Variants in MAP2 observed in about 807,000 individuals in gnomAD.
MAP2 encodes microtubule-associated protein 2.
In MAP2, 14 loss-of-function variants were observed where a neutral mutation model predicts 137.6. That is an observed-to-expected ratio of 0.10 (90% CI 0.07 to 0.16). The LOEUF is 0.16. Among genes scored for constraint, MAP2 ranks in the 10% least tolerant of loss-of-function variants. The pLI is 1.00. For missense variants in MAP2, 2,088 were observed against 2,191.5 expected (o/e 0.95, Z 0.94); for synonymous variants, 786 against 782.3 (o/e 1.00, Z -0.08).
chr2:209,653,416 T>G lies in MAP2; in HGVS notation c.246T>G (p.Ala82=), dbSNP rs758650336. Residue 82 remains alanine, a synonymous_variant, in exon 5 of 16, where the codon GCT becomes GCG. Transcript: ENST00000682079. The stretch of plus-strand genomic sequence containing the variant: ...GGATCAACGGAGAGCTGACCTCAGC[T>G]GACAGAGAAACAGCAGGTAACTAAG... ...ENGINGELTS[A]DRETAEEVSA... is the part of the protein sequence containing the mutation. The G allele has an allele frequency of 1.7e-5, 28 of 1,601,926 alleles. No individual in the cohort carries two copies. Among genetic ancestry groups the G allele is most frequent in the Non-Finnish European group, 2.1e-5 (25 of 1,173,022 alleles).
At position 209,695,012 on chromosome 2, in the gene MAP2, AAGG is replaced by A; in HGVS notation, c.2845_2847del (p.Glu949del). 1.2e-6 allele frequency: 2 copies of A among 1,614,160 alleles called. No individual in the cohort carries two copies. Among genetic ancestry groups the A allele is most frequent in the Non-Finnish European group, 8.5e-7 (1 of 1,180,026 alleles). On this transcript the variant is annotated inframe_deletion, in exon 8 of 16. Coordinates refer to ENST00000682079, the MANE Select transcript of MAP2 (RefSeq NM_001375505.1). ...CTCTGGTGACAAATCAGGACTGAGT[AAGG>A]AGTTTGACCAAGAGAAGAAAGCTAA...
intron 1 of MAP2, among the ~76,000 whole-genome samples, chr2:209,461,102 A>G (rs963975307): frequency 1.3e-5 from 2 of 152,184 alleles, no homozygotes; most frequent in Non-Finnish European, 1.5e-5. Context: ...GTAAAAATAA[A>G]CAAACAACCC....
chr2:209,540,214 T>C (rs2066702845), intron 2 of MAP2, among the ~76,000 whole-genome samples: 4 of 151,360 alleles, frequency 2.6e-5, no homozygotes, highest in Admixed American at 2.6e-4. Flanking sequence ...GACCACTTTC[T>C]TTCCATAATT....
rs140511825 is a variant in MAP2, at chr2:209,456,428, C to G, written c.-222+32152C>G. On this transcript the variant is annotated intron_variant, in intron 1 of 15. Coordinates refer to ENST00000682079, the MANE Select transcript of MAP2 (RefSeq NM_001375505.1). ...GGTATAATGAAGAACCATCATTTTA[C>G]TACTCAGGCCTCTTGCTCTGAAGCA... Among the ~76,000 whole-genome samples, 118 of 152,320 alleles carry G rather than the reference C, an allele frequency of 7.7e-4. 1 individual carries two copies. Among genetic ancestry groups the G allele is most frequent in the African/African-American group, 2.6e-3 (108 of 41,570 alleles).
At chr2:209,446,009 A>G (rs1335781539) in intron 1 of MAP2, among the ~76,000 whole-genome samples, 1 of 151,784 alleles carries the variant, frequency 6.6e-6, no homozygotes, top group African/African-American at 2.4e-5. Context: ...AAGAACCCAA[A>G]CAATAGATAT....
At chr2:209,486,281 G>A (rs559471075) in intron 1 of MAP2, among the ~76,000 whole-genome samples, 1 of 151,968 alleles carries the variant, frequency 6.6e-6, no homozygotes, top group African/African-American at 2.4e-5. Flanking sequence ...AGGCTGGAGT[G>A]CAGTGGTGCG....
chr2:209,488,720 G>A (rs2058700823), intron 1 of MAP2, among the ~76,000 whole-genome samples: 1 of 152,178 alleles, frequency 6.6e-6, no homozygotes, highest in African/African-American at 2.4e-5. Context: ...AGCCACTGTA[G>A]CAAGACTGCC....
intron 1 of MAP2, among the ~76,000 whole-genome samples, chr2:209,468,722 T>C (rs1026581698): frequency 1.3e-5 from 2 of 152,196 alleles, no homozygotes; most frequent in Non-Finnish European, 2.9e-5. Context: ...CTTATATTTT[T>C]TGCAAACTGC....
At chr2:209,489,898 A>G (rs1436312635) in intron 1 of MAP2, among the ~76,000 whole-genome samples, 1 of 152,226 alleles carries the variant, frequency 6.6e-6, no homozygotes, top group Non-Finnish European at 1.5e-5. Context: ...AACTTCCCCA[A>G]CCTAGCAAGA....
intron 2 of MAP2, among the ~76,000 whole-genome samples, chr2:209,547,024 G>T (rs1314527873): frequency 1.3e-5 from 2 of 152,078 alleles, no homozygotes; most frequent in Non-Finnish European, 2.9e-5. Context: ...TATTTGGAAA[G>T]AAAATAGAAT....
intron 1 of MAP2, among the ~76,000 whole-genome samples, chr2:209,451,308 C>A (rs1203749906): frequency 3.3e-5 from 5 of 152,218 alleles, no homozygotes; most frequent in Non-Finnish European, 7.3e-5. Flanking sequence ...CAGGCTGCTG[C>A]TCCTCTGGCT....
At chr2:209,724,886 A>T (rs1003804156) in intron 13 of MAP2, among the ~76,000 whole-genome samples, 1 of 152,262 alleles carries the variant, frequency 6.6e-6, no homozygotes, top group African/African-American at 2.4e-5. Context: ...TCCTTTACAC[A>T]AGTGCTGCTG....
intron 1 of MAP2, among the ~76,000 whole-genome samples, chr2:209,486,655 A>G (rs2058422710): frequency 6.6e-6 from 1 of 152,258 alleles, no homozygotes; most frequent in Non-Finnish European, 1.5e-5. Context: ...TCAGAAATTT[A>G]ACCATCATTT....
At position 209,729,943 on chromosome 2, in the gene MAP2, C is replaced by T. The variant is rs1049588239; in HGVS notation, c.5249C>T (p.Pro1750Leu). ...VGSLDNAHHV[P>L]GGGNVKIDSQ... ...TCTCTTGATAATGCTCATCATGTAC[C>T]TGGAGGTGGTAATGTCAAGGTAAGA... The change falls in exon 15 of 16, where the codon CCT (proline) becomes CTT (leucine). Residue 1750 changes from proline to leucine, a missense_variant. This residue lies in a region of MAP2 where 112 missense variants were observed against 201.0 expected (regional missense o/e 0.56). Coordinates refer to ENST00000682079, the MANE Select transcript of MAP2 (RefSeq NM_001375505.1). 1 of 1,609,438 alleles carries T rather than the reference C, an allele frequency of 6.2e-7. No individual in the cohort carries two copies. The highest frequency in any genetic ancestry group is 8.5e-7 in the Non-Finnish European group (1 of 1,176,454).
intron 1 of MAP2, among the ~76,000 whole-genome samples, chr2:209,455,957 C>T (rs925835446): frequency 1.3e-5 from 2 of 152,162 alleles, no homozygotes; most frequent in African/African-American, 2.4e-5. Flanking sequence ...TACACTATTT[C>T]CTGTAATCCT....
chr2:209,471,104 T>A (rs1705602013), intron 1 of MAP2, among the ~76,000 whole-genome samples: 1 of 152,198 alleles, frequency 6.6e-6, no homozygotes, highest in Non-Finnish European at 1.5e-5. Flanking sequence ...GTTTTCCTAG[T>A]CTCACTTCTA....
chr2:209,700,733 A>T (rs931407468), intron 11 of MAP2, among the ~76,000 whole-genome samples: 1 of 152,180 alleles, frequency 6.6e-6, no homozygotes, highest in Non-Finnish European at 1.5e-5. Context: ...CAAATGAAGC[A>T]CTGCACACAA....
chr2:209,435,177 A>G (rs1695606672), intron 1 of MAP2, among the ~76,000 whole-genome samples: 1 of 151,476 alleles, frequency 6.6e-6, no homozygotes, highest in South Asian at 2.1e-4. Flanking sequence ...AATATCAAAT[A>G]TACAGCATAT....
chr2:209,641,380 C>T (rs2094009417), intron 4 of MAP2, among the ~76,000 whole-genome samples: 1 of 151,790 alleles, frequency 6.6e-6, no homozygotes, highest in South Asian at 2.1e-4. Context: ...AGCTTTTTAT[C>T]CTGATATTTA....
Sources: allele counts gnomAD v4.1 joint callset (sites outside exome capture counted in the v4.1 genomes callset), GRCh38; gene constraint gnomAD v4.1.1; regional missense constraint gnomAD v4.1.1; transcripts MANE v1.5; gene names NCBI Gene and HGNC (gene_info 2026-07-23, HGNC 2026-07-21).